CAPN15: variants seen among roughly 807,000 people sequenced by gnomAD.
CAPN15 encodes the protein calpain-15.
A neutral mutation model predicts 97.9 loss-of-function variants in CAPN15; 53 were observed. The ratio of observed to expected loss-of-function variants is 0.54; its 90% CI spans 0.43 to 0.68. The LOEUF (loss-of-function observed/expected upper bound fraction) is 0.68, where lower values mean the gene tolerates loss of function less well. CAPN15 is among the 30% of genes least tolerant of loss of function. CAPN15 has a pLI of 0.00. For missense variants in CAPN15, 1,592 were observed against 1,589.8 expected, an observed-to-expected ratio of 1.00 and a Z score of -0.02; for synonymous variants, 922 against 722.5, an observed-to-expected ratio of 1.28 and a Z score of -4.43.
rs1021012828 is a variant in CAPN15, at chr16:553,034, C to T, written c.3076C>T (p.Leu1026=). The change falls in exon 13 of 14, where the codon CTG becomes TTG. Residue 1026 remains leucine (L), a synonymous_variant. Coordinates refer to ENST00000219611, the MANE Select transcript of CAPN15 (RefSeq NM_005632.3). The stretch of plus-strand genomic sequence containing the variant: ...GCGTACCCAGGATAGCGTGCCACCC[C>T]TGCACAGGTGCGCCCCCGCCCCTGC... ...SLRTQDSVPP[L]HRQVLVILSQ... is the part of the protein sequence containing the mutation. 49 of 1,564,408 alleles carry T rather than the reference C, an allele frequency of 3.1e-5. No individual in the cohort carries two copies. The highest frequency in any genetic ancestry group is 3.8e-5 in the Non-Finnish European group (44 of 1,146,884).
At chr16:542,997 G>A (rs892777149) in intron 3 of CAPN15, among the ~76,000 whole-genome samples, 8 of 151,992 alleles carry the variant, frequency 5.3e-5, no homozygotes, top group East Asian at 1.9e-4. Context: ...GTTGCAGTGA[G>A]CCAAGATTGC....
At position 546,931 on chromosome 16, in the gene CAPN15, C is replaced by T; in HGVS notation, c.93C>T (p.His31=). ...GCTCCATCTGCGAGGCTCCCCGGCA[C>T]AAGCCCGACCTCAACCACATCCTGC... ...RQCSICEAPR[H]KPDLNHILRL... is the part of the protein sequence containing the mutation. Residue 31 remains histidine (H), a synonymous_variant, in exon 4 of 14, where the codon CAC becomes CAT. Transcript: ENST00000219611. 4 of 1,610,904 alleles carry T rather than the reference C, an allele frequency of 2.5e-6. No homozygotes were observed. Among genetic ancestry groups the T allele is most frequent in the Non-Finnish European group, 8.5e-7 (1 of 1,179,886 alleles).
At chr16:528,594 C>T (rs750737742) in intron 1 of CAPN15, 102 of 274,390 alleles carry the variant, frequency 3.7e-4, no homozygotes, top group Admixed American at 1.4e-3. Context: ...AATCTGCTGT[C>T]CTCCCGCTGG....
chr16:546,039 C>G (rs999148947), intron 3 of CAPN15, among the ~76,000 whole-genome samples: 17 of 152,328 alleles, frequency 1.1e-4, no homozygotes, highest in African/African-American at 3.6e-4. Flanking sequence ...GGCCTTGGGT[C>G]TCTCTGCTCC....
intron 3 of CAPN15, among the ~76,000 whole-genome samples, chr16:540,725 C>T (rs1446787393): frequency 2.0e-5 from 3 of 152,212 alleles, no homozygotes; most frequent in Non-Finnish European, 4.4e-5. Flanking sequence ...TTCAAAGCTG[C>T]CAGCACTCGC....
At chr16:538,892 C>T (rs1267677940) in intron 3 of CAPN15, 4 of 149,876 alleles carry the variant, frequency 2.7e-5, no homozygotes, top group African/African-American at 9.8e-5. Flanking sequence ...CCAGCCCGCT[C>T]ACCTAGGGCT....
At chr16:528,624 A>T in intron 1 of CAPN15, 2 of 618,006 alleles carry the variant, frequency 3.2e-6, no homozygotes, top group South Asian at 7.1e-5. Flanking sequence ...GGGCCCCTCT[A>T]GTCCTGACCG....
chr16:553,104 C>A, intron 13 of CAPN15, 63 bp downstream of exon 13: 1 of 904,474 alleles, frequency 1.1e-6, no homozygotes, highest in Non-Finnish European at 1.6e-6. Context: ...CCCGCTGCAC[C>A]CACACCCAAC....
chr16:542,614 G>T (rs979872213), intron 3 of CAPN15, among the ~76,000 whole-genome samples: 1 of 152,128 alleles, frequency 6.6e-6, no homozygotes, highest in South Asian at 2.1e-4. Flanking sequence ...TAGAGACAGG[G>T]TCTTACTCTG....
chr16:538,961 G>C (rs1028807622), intron 3 of CAPN15: 1 of 141,206 alleles, frequency 7.1e-6, no homozygotes, highest in Non-Finnish European at 1.5e-5. Flanking sequence ...TTTTTTTTTG[G>C]CTCTGTCTCC....
At chr16:549,235 T>TGGGG in intron 5 of CAPN15, 34 bp downstream of exon 5, 4 of 53,106 alleles carry the variant, frequency 7.5e-5, no homozygotes, top group Non-Finnish European at 1.2e-4. Context: ...GTGGGGCGGG[T>TGGGG]GGGCGGGCGA....
At position 547,018 on chromosome 16, in the gene CAPN15, C is replaced by G. The variant is rs1443259669; in HGVS notation, c.180C>G (p.Gly60=). Reference sequence around the variant, plus strand: ...GCTGCACCTTCCGCAACTTCCTGGGCAAGGAGGCCTGCGAGGTGTGCGGCT... The same window carrying G: ...GCTGCACCTTCCGCAACTTCCTGGGGAAGGAGGCCTGCGAGGTGTGCGGCT... ...CARCTFRNFL[G]KEACEVCGFT... is the part of the protein sequence containing the mutation. Residue 60 remains glycine, a synonymous_variant, in exon 4 of 14, where the codon GGC becomes GGG. Transcript: ENST00000219611. 7 of 1,610,100 alleles carry G rather than the reference C, an allele frequency of 4.3e-6. No individual in the cohort carries two copies. The highest frequency in any genetic ancestry group is 5.1e-6 in the Non-Finnish European group (6 of 1,179,774).
In CAPN15 at chr16:549,467, C is replaced by T. The variant is rs374949685; in HGVS notation, c.1838C>T (p.Ser613Leu). The T allele has an allele frequency of 8.2e-6, 13 of 1,590,254 alleles. No individual in the cohort carries two copies. The highest frequency in any genetic ancestry group is 1.1e-5 in the Non-Finnish European group (13 of 1,174,810). ...GATGAGGCCGGCTGCCTCCTCTTCT[C>T]ACAGGTGGGGCGGCCTGCAGGGTGG... Reference protein sequence around the residue: ...PCDEAGCLLFSQAQRKQLWVA... With the variant: ...PCDEAGCLLFLQAQRKQLWVA... The change falls in exon 6 of 14, where the codon TCA (serine) becomes TTA (leucine). Residue 613 changes from serine (S) to leucine (L), a missense_variant. This residue lies in a region of CAPN15 where 644 missense variants were observed against 699.6 expected (regional missense o/e 0.92). Coordinates refer to ENST00000219611, the MANE Select transcript of CAPN15 (RefSeq NM_005632.3).
intron 3 of CAPN15, among the ~76,000 whole-genome samples, chr16:543,019 C>G (rs1413910572): frequency 1.3e-5 from 2 of 152,098 alleles, no homozygotes; most frequent in Admixed American, 6.5e-5. Context: ...CCACTGCACT[C>G]CAGTGTGGGC....
chr16:552,682 C>A lies in CAPN15; in HGVS notation c.2815C>A (p.Leu939Met). Residue 939 changes from leucine to methionine, a missense_variant, in exon 12 of 14, where the codon CTG (leucine) becomes ATG (methionine). By Grantham distance (15) the Leu-to-Met change is conservative. Coordinates refer to ENST00000219611, the MANE Select transcript of CAPN15 (RefSeq NM_005632.3). The surrounding 1 kb of genome is among the most constrained non-coding windows in gnomAD (Gnocchi z 6.4). Reference sequence around the variant, plus strand: ...CGTGCTGGCTGTGTACAGCTCGAGGCTGGTCATGGTGGAGCCCGTGGAAGC... The same window carrying A: ...CGTGCTGGCTGTGTACAGCTCGAGGATGGTCATGGTGGAGCCCGTGGAAGC... Reference protein sequence around the residue: ...GHVLAVYSSRLVMVEPVEAQP... With the variant: ...GHVLAVYSSRMVMVEPVEAQP... The A allele has an allele frequency of 1.9e-6, 3 of 1,544,420 alleles. No homozygotes were observed. The South Asian group carries it at 3.6e-5, about 18-fold the overall frequency.
In CAPN15 at chr16:536,012, C is replaced by CA. The variant is rs1238926533; in HGVS notation, c.-136-17_-136-16insA. Reference sequence around the variant, plus strand: ...GACAGTGCCCCTGCACGCCCCCCCCCCCCCCCGGTTATTCAGACAGGGAGC... The same window carrying CA: ...GACAGTGCCCCTGCACGCCCCCCCCCACCCCCCGGTTATTCAGACAGGGAGC... On this transcript the variant is annotated splice_polypyrimidine_tract_variant and intron_variant, in intron 2 of 13. Transcript: ENST00000219611. 9.0e-6 allele frequency: 2 copies of CA among 221,228 alleles called. No homozygotes were observed. Among genetic ancestry groups the CA allele is most frequent in the Non-Finnish European group, 1.3e-5 (2 of 152,062 alleles). 13.7% of individuals were successfully genotyped at this position (221,228 alleles called of 1,614,324 possible). A position where few individuals can be genotyped will look rare whatever the true frequency, so the allele number is the denominator to read the frequency against.
intron 3 of CAPN15, among the ~76,000 whole-genome samples, chr16:544,180 G>C (rs538640522): frequency 6.6e-6 from 1 of 152,172 alleles, no homozygotes; most frequent in Non-Finnish European, 1.5e-5. Context: ...CTCGAGGGAG[G>C]CACCACGCCT....
intron 3 of CAPN15, chr16:537,926 A>C (rs1567138153): frequency 6.6e-6 from 1 of 152,184 alleles, no homozygotes; most frequent in East Asian, 1.9e-4. Context: ...CAGGGCCTGT[A>C]GTGTGGCACG....
chr16:528,640 A>G (rs1028138934), intron 1 of CAPN15: 6 of 773,356 alleles, frequency 7.8e-6, no homozygotes, highest in African/African-American at 3.8e-5. Context: ...GACCGGGGGA[A>G]CTCTTGTGTG....
Sources: allele counts gnomAD v4.1 joint callset (sites outside exome capture counted in the v4.1 genomes callset), GRCh38; gene constraint gnomAD v4.1.1; regional missense constraint gnomAD v4.1.1; non-coding constraint Gnocchi (gnomAD v3.1); transcripts MANE v1.5; gene names NCBI Gene and HGNC (gene_info 2026-07-23, HGNC 2026-07-21).